The following ALK variants were observed in gnomAD, a reference collection of about 807,000 sequenced individuals.
ALK encodes the protein ALK tyrosine kinase receptor.
Under a neutral mutation model 163.1 loss-of-function variants are expected in ALK, and 74 were observed. That is an observed-to-expected ratio of 0.45 (90% CI 0.38 to 0.55). The LOEUF is 0.55. Ranked by LOEUF, ALK falls within the 20% of genes least tolerant of loss-of-function variation. ALK has a pLI of 0.00. For missense variants in ALK, 2,063 were observed against 2,105.3 expected (o/e 0.98, Z 0.39); for synonymous variants, 960 against 843.2 (o/e 1.14, Z -2.40).
chr2:29,478,952 G>A (rs1671593107), intron 4 of ALK, among the ~76,000 whole-genome samples: 1 of 111,314 alleles, frequency 9.0e-6, no homozygotes, highest in Non-Finnish European at 2.3e-5. Flanking sequence ...TCTAGTTTCT[G>A]GCCCTGCAAA....
intron 3 of ALK, among the ~76,000 whole-genome samples, chr2:29,538,337 C>A (rs1004943374): frequency 6.6e-6 from 1 of 152,100 alleles, no homozygotes; most frequent in Non-Finnish European, 1.5e-5. Context: ...TTTAATACAA[C>A]CCCCTTGGTG....
At chr2:29,771,116 C>T (rs1378415607) in intron 1 of ALK, among the ~76,000 whole-genome samples, 1 of 152,036 alleles carries the variant, frequency 6.6e-6, no homozygotes, top group African/African-American at 2.4e-5. Flanking sequence ...CACATACATG[C>T]ACACATACAT....
intron 8 of ALK, among the ~76,000 whole-genome samples, chr2:29,297,899 G>T (rs1419364656): frequency 5.3e-5 from 8 of 152,056 alleles, no homozygotes; most frequent in Admixed American, 4.6e-4. Flanking sequence ...AAATAATCCT[G>T]TAAGAAAAAA....
chr2:29,487,342 T>C (rs13033322), intron 4 of ALK, among the ~76,000 whole-genome samples: 1 of 152,164 alleles, frequency 6.6e-6, no homozygotes, highest in African/African-American at 2.4e-5. Flanking sequence ...GGAACCCCCA[T>C]ACCCCCAGAC....
At chr2:29,756,609 T>C (rs1284187412) in intron 1 of ALK, among the ~76,000 whole-genome samples, 2 of 150,906 alleles carry the variant, frequency 1.3e-5, no homozygotes, top group African/African-American at 4.9e-5. Context: ...CTCGGCTCAC[T>C]GCAATCTCTG....
intron 1 of ALK, among the ~76,000 whole-genome samples, chr2:29,808,300 G>A (rs1466826215): frequency 6.6e-6 from 1 of 152,148 alleles, no homozygotes; most frequent in Non-Finnish European, 1.5e-5. Context: ...TTTGTCTGGT[G>A]TCTCCTATGA....
At chr2:29,754,427 G>C (rs1403611934) in intron 1 of ALK, among the ~76,000 whole-genome samples, 1 of 152,138 alleles carries the variant, frequency 6.6e-6, no homozygotes, top group Non-Finnish European at 1.5e-5. Flanking sequence ...CTGAGTTTAA[G>C]CATGATACCA....
intron 3 of ALK, among the ~76,000 whole-genome samples, chr2:29,549,979 A>G (rs1160564512): frequency 6.6e-6 from 1 of 151,802 alleles, no homozygotes; most frequent in Admixed American, 6.5e-5. Flanking sequence ...CCCTGGATAA[A>G]AAAGTGCTTC....
intron 1 of ALK, among the ~76,000 whole-genome samples, chr2:29,746,563 G>A (rs1274700713): frequency 1.3e-5 from 2 of 152,196 alleles, no homozygotes; most frequent in East Asian, 3.8e-4. Flanking sequence ...CAGGCATAGG[G>A]TTTAATGTAG....
chr2:29,623,826 C>A (rs1206667093), intron 3 of ALK, among the ~76,000 whole-genome samples: 1 of 152,114 alleles, frequency 6.6e-6, no homozygotes, highest in African/African-American at 2.4e-5. Context: ...TATAACAGAA[C>A]AATATTTGAA....
At chr2:29,322,327 G>A (rs1573230158) in intron 6 of ALK, among the ~76,000 whole-genome samples, 2 of 152,228 alleles carry the variant, frequency 1.3e-5, no homozygotes, top group African/African-American at 4.8e-5. Context: ...GGCTGTCACT[G>A]ACTTTGAACA....
At chr2:29,807,416 G>T (rs947632602) in intron 1 of ALK, among the ~76,000 whole-genome samples, 54 of 152,220 alleles carry the variant, frequency 3.5e-4, no homozygotes, top group African/African-American at 1.2e-3. Flanking sequence ...GGAAGAGGGT[G>T]AGGAGGTGTC....
intron 4 of ALK, among the ~76,000 whole-genome samples, chr2:29,527,908 A>G (rs2148154513): frequency 6.6e-6 from 1 of 152,162 alleles, no homozygotes; most frequent in Non-Finnish European, 1.5e-5. Flanking sequence ...TGGAAAGGGG[A>G]GGAGGTTAGA....
chr2:29,382,776 T>C (rs140683464), intron 5 of ALK, among the ~76,000 whole-genome samples: 5 of 152,360 alleles, frequency 3.3e-5, no homozygotes, highest in African/African-American at 1.2e-4. Flanking sequence ...CCTTTTCAAC[T>C]TGAACTGTGG....
intron 1 of ALK, among the ~76,000 whole-genome samples, chr2:29,739,589 G>T (rs1558467192): frequency 1.3e-5 from 2 of 151,664 alleles, no homozygotes; most frequent in African/African-American, 2.4e-5. Context: ...ATAGTTACAT[G>T]GTTTGTGAAA....
chr2:29,194,162 T>C (rs1278085192), intron 28 of ALK, among the ~76,000 whole-genome samples: 1 of 151,766 alleles, frequency 6.6e-6, no homozygotes, highest in Admixed American at 6.6e-5. Context: ...TGGGACAGAG[T>C]GGAGCAGGAA....
intron 2 of ALK, among the ~76,000 whole-genome samples, chr2:29,695,879 GAGAAAT>G (rs1432432302): frequency 6.6e-6 from 1 of 152,218 alleles, no homozygotes; most frequent in Non-Finnish European, 1.5e-5. Context: ...AGAGGATGTG[GAGAAAT>G]AGAAATAGAA....
chr2:29,221,325 C>T (rs1327400689), intron 22 of ALK: 8 of 468,316 alleles, frequency 1.7e-5, no homozygotes, highest in Non-Finnish European at 3.4e-5. Context: ...CCGTGGATTC[C>T]TCATGGGAGG....
chr2:29,770,859 A>G (rs1467384321), intron 1 of ALK, among the ~76,000 whole-genome samples: 1 of 152,012 alleles, frequency 6.6e-6, no homozygotes, highest in East Asian at 1.9e-4. Flanking sequence ...AGTCACACAC[A>G]CAGTCTCACA....
Sources: allele counts gnomAD v4.1 joint callset (sites outside exome capture counted in the v4.1 genomes callset), GRCh38; gene constraint gnomAD v4.1.1; transcripts MANE v1.5; gene names NCBI Gene and HGNC (gene_info 2026-07-23, HGNC 2026-07-21).